The following CDK14 variants were observed in gnomAD, a reference collection of about 807,000 sequenced individuals.
CDK14 encodes the protein cyclin dependent kinase 14, also known as cyclin-dependent kinase 14.
In CDK14, 34 loss-of-function variants were observed where a neutral mutation model predicts 60.7. The observed-to-expected ratio is 0.56, with a 90% confidence interval of 0.43 to 0.75. CDK14 has a LOEUF of 0.75. Among genes scored for constraint, CDK14 ranks in the 30% least tolerant of loss-of-function variants. The probability of loss-of-function intolerance (pLI) is 0.00; values close to 1 mark genes in which losing one functional copy is unlikely to be tolerated. For missense variants in CDK14, 482 were observed against 564.1 expected, an observed-to-expected ratio of 0.85 and a Z score of 1.47; for synonymous variants, 197 against 203.7, an observed-to-expected ratio of 0.97 and a Z score of 0.28.
intron 3 of CDK14, among the ~76,000 whole-genome samples, chr7:90,741,053 G>A (rs984262557): frequency 7.2e-5 from 11 of 152,104 alleles, no homozygotes; most frequent in East Asian, 1.9e-4. Flanking sequence ...ATTAGTAATC[G>A]TGGAGCTTGA....
At chr7:90,624,015 T>C (rs1044705848) in intron 2 of CDK14, among the ~76,000 whole-genome samples, 3 of 152,352 alleles carry the variant, frequency 2.0e-5, no homozygotes, top group East Asian at 1.9e-4. Context: ...TAGGGCTTCA[T>C]AGTTTACAAA....
At chr7:90,674,276 T>A (rs754878011) in intron 2 of CDK14, among the ~76,000 whole-genome samples, 1 of 152,130 alleles carries the variant, frequency 6.6e-6, no homozygotes, top group Non-Finnish European at 1.5e-5. Context: ...TAGAGTAGGA[T>A]CATTAAGGAG....
chr7:90,902,608 A>G (rs990795644), intron 7 of CDK14, among the ~76,000 whole-genome samples: 3 of 152,166 alleles, frequency 2.0e-5, no homozygotes, highest in East Asian at 3.8e-4. Flanking sequence ...TCAACTTCAG[A>G]TGGATTAAAA....
chr7:91,068,807 TAAAAAA>T (rs57179045), intron 11 of CDK14, among the ~76,000 whole-genome samples: 957 of 68,788 alleles, frequency 0.014, 15 homozygotes, highest in African/African-American at 0.045. Context: ...TACCTTATAT[TAAAAAA>T]AAAAAAAAAA....
intron 6 of CDK14, among the ~76,000 whole-genome samples, chr7:90,864,389 G>C (rs1336836854): frequency 6.6e-6 from 1 of 152,090 alleles, no homozygotes; most frequent in Non-Finnish European, 1.5e-5. Context: ...CATGATTTTT[G>C]AGTTAATAAT....
Position 90,778,840 on chromosome 7 carries a change from TGACC to T in CDK14, c.465-11728_465-11725del, listed in dbSNP as rs754488862. 8.2e-4 allele frequency among the ~76,000 whole-genome samples: 114 copies of T among 139,266 alleles called. 1 individual carries two copies. The highest frequency in any genetic ancestry group is 3.6e-3 in the Middle Eastern group (1 of 276). The allele number at this position is 139,266 out of a possible 152,430, so 91.4% of individuals were successfully genotyped here. A position where few individuals can be genotyped will look rare whatever the true frequency, so the allele number is the denominator to read the frequency against. On this transcript the variant is annotated intron_variant, in intron 4 of 14. Coordinates refer to ENST00000380050, the MANE Select transcript of CDK14 (RefSeq NM_001287135.2). ...ATCCTTTCCTGTGGAATGTAAAAAT[TGACC>T]GACCTTCCTTCCTTCCTTCCTTCCT... is the stretch of plus-strand genomic sequence containing the variant.
chr7:90,683,008 T>C (rs916680225), intron 2 of CDK14, among the ~76,000 whole-genome samples: 1 of 152,134 alleles, frequency 6.6e-6, no homozygotes, highest in Non-Finnish European at 1.5e-5. Flanking sequence ...AAGGTGTTAG[T>C]CGATTTCTTT....
intron 2 of CDK14, among the ~76,000 whole-genome samples, chr7:90,660,172 A>G (rs1180098638): frequency 6.6e-6 from 1 of 152,172 alleles, no homozygotes; most frequent in Non-Finnish European, 1.5e-5. Flanking sequence ...TAGAATGTTG[A>G]GAAAGAGTAG....
At chr7:90,794,687 ATT>A (rs753982305) in intron 5 of CDK14, among the ~76,000 whole-genome samples, 171 of 152,244 alleles carry the variant, frequency 1.1e-3, no homozygotes, top group Non-Finnish European at 2.2e-3. Flanking sequence ...CAGATTTCAT[ATT>A]GTTTAAACAA....
rs568594149 is a variant in CDK14, at chr7:90,613,732, A to G, written c.123+9483A>G. 2.0e-5 allele frequency among the ~76,000 whole-genome samples: 3 copies of G among 152,192 alleles called. No individual in the cohort carries two copies. In the South Asian group the frequency reaches 6.2e-4, roughly 32 times the overall value. ...AAAAGACGCTGACCTTTGACGTAGG[A>G]AGTCTTTCTGTACAGCCTAACTACT... On this transcript the variant is annotated intron_variant, in intron 2 of 14. Transcript: ENST00000380050.
intron 11 of CDK14, among the ~76,000 whole-genome samples, chr7:91,079,211 A>G (rs1408431720): frequency 6.6e-6 from 1 of 152,228 alleles, no homozygotes; most frequent in Non-Finnish European, 1.5e-5. Context: ...ATTATGAAAT[A>G]AACCATCTTA....
intron 14 of CDK14, among the ~76,000 whole-genome samples, chr7:91,184,055 C>G (rs942404950): frequency 1.3e-4 from 19 of 151,664 alleles, no homozygotes; most frequent in African/African-American, 4.6e-4. Flanking sequence ...TTAAACCAGG[C>G]GCTTAAAATT....
At chr7:90,632,363 TG>T (rs1800021542) in intron 2 of CDK14, 1 of 311,468 alleles carries the variant, frequency 3.2e-6, no homozygotes, top group African/African-American at 2.2e-5. Context: ...TGTTCAGTGC[TG>T]TGGGTGGTAA....
chr7:91,057,738 G>C (rs1797628769), intron 11 of CDK14, among the ~76,000 whole-genome samples: 2 of 152,088 alleles, frequency 1.3e-5, no homozygotes, highest in Admixed American at 6.6e-5. Flanking sequence ...TTATTTCTGA[G>C]GGCTCTGTTC....
chr7:90,856,407 G>A (rs1790817843), intron 5 of CDK14, among the ~76,000 whole-genome samples: 1 of 152,216 alleles, frequency 6.6e-6, no homozygotes, highest in African/African-American at 2.4e-5. Context: ...ATGGTTCTGT[G>A]TGTGGAGTGT....
intron 2 of CDK14, among the ~76,000 whole-genome samples, chr7:90,718,721 A>G (rs1461480497): frequency 6.6e-6 from 1 of 152,158 alleles, no homozygotes; most frequent in African/African-American, 2.4e-5. Flanking sequence ...CTCTGTGTAT[A>G]CACACATACA....
intron 2 of CDK14, among the ~76,000 whole-genome samples, chr7:90,641,491 A>C (rs1800331206): frequency 6.6e-6 from 1 of 152,244 alleles, no homozygotes; most frequent in Non-Finnish European, 1.5e-5. Flanking sequence ...GAACTTTGAT[A>C]ACATTATGTT....
intron 8 of CDK14, among the ~76,000 whole-genome samples, chr7:90,946,825 C>T (rs759366927): frequency 1.2e-4 from 19 of 152,148 alleles, no homozygotes; most frequent in Non-Finnish European, 2.5e-4. Flanking sequence ...CCTTAGGATC[C>T]TGTAAGATAA....
chr7:91,026,227 G>A (rs560384031), intron 10 of CDK14, among the ~76,000 whole-genome samples: 17 of 152,266 alleles, frequency 1.1e-4, no homozygotes, highest in South Asian at 8.3e-4. Flanking sequence ...GAGGCACAGC[G>A]GAGAGACAAT....
Sources: gnomAD v4.1 joint callset for allele counts (sites outside exome capture counted in the v4.1 genomes callset) on GRCh38, gnomAD v4.1.1 for gene constraint, MANE v1.5 for transcripts, NCBI Gene and HGNC (gene_info 2026-07-23, HGNC 2026-07-21) for gene names.